SMCO2: variants seen among roughly 807,000 people sequenced by gnomAD.
SMCO2 encodes single-pass membrane and coiled-coil domain-containing protein 2.
A neutral mutation model predicts 29.5 loss-of-function variants in SMCO2; 25 were observed. The observed-to-expected ratio is 0.85, with a 90% CI of 0.62 to 1.18. The LOEUF is 1.18. Among genes scored for constraint, SMCO2 ranks in the 50% most tolerant of loss-of-function variants. SMCO2 has a pLI of 0.00. For missense variants in SMCO2, 348 were observed against 344.5 expected (o/e 1.01, Z -0.08); for synonymous variants, 117 against 123.3 (o/e 0.95, Z 0.34).
chr12:27,446,311 AAGCTCTCTGGTGCCTCTTC>A, the SMCO2 span, among the ~76,000 whole-genome samples: 1 of 152,190 alleles, frequency 6.6e-6, no homozygotes, highest in South Asian at 2.1e-4. Flanking sequence ...GGGAGAGAGA[AAGCTCTCTGGTGCCTCTTC>A]TTATAAGGGC....
the SMCO2 span, among the ~76,000 whole-genome samples, chr12:27,434,204 A>G: frequency 1.3e-5 from 2 of 152,218 alleles, no homozygotes; most frequent in Admixed American, 6.5e-5. Context: ...TGATAACATT[A>G]GTGTCACCTG....
intron 4 of SMCO2, among the ~76,000 whole-genome samples, chr12:27,476,516 A>G (rs1424628573): frequency 6.6e-6 from 1 of 151,992 alleles, no homozygotes; most frequent in Non-Finnish European, 1.5e-5. Context: ...ATCTAGTAAT[A>G]TTTGCTTTAT....
chr12:27,437,996 G>C, the SMCO2 span, among the ~76,000 whole-genome samples: 1 of 152,050 alleles, frequency 6.6e-6, no homozygotes, highest in East Asian at 1.9e-4. Flanking sequence ...CTTCACAGTT[G>C]GGTTTTTATA....
At chr12:27,476,589 T>C (rs1949588368) in intron 4 of SMCO2, among the ~76,000 whole-genome samples, 1 of 152,200 alleles carries the variant, frequency 6.6e-6, no homozygotes, top group Admixed American at 6.5e-5. Flanking sequence ...TCTTGTTAAA[T>C]TGATCCTTTT....
chr12:27,459,425 T>C, the SMCO2 span, among the ~76,000 whole-genome samples: 1 of 151,924 alleles, frequency 6.6e-6, no homozygotes, highest in Non-Finnish European at 1.5e-5. Context: ...AAACATCAAG[T>C]ACATATGGGT....
At chr12:27,428,818 C>CTTTT in the SMCO2 span, among the ~76,000 whole-genome samples, 41,872 of 129,686 alleles carry the variant, frequency 0.32, 7,674 homozygotes, top group Middle Eastern at 0.44. Context: ...AATAAATGTA[C>CTTTT]TTTTTTTTTT....
At chr12:27,433,506 T>TACACACACACAC in the SMCO2 span, among the ~76,000 whole-genome samples, 6 of 147,976 alleles carry the variant, frequency 4.1e-5, no homozygotes, top group African/African-American at 9.9e-5. Flanking sequence ...CAGATGTGTA[T>TACACACACACAC]ACACACACAC....
the SMCO2 span, among the ~76,000 whole-genome samples, chr12:27,440,521 A>T: frequency 3.3e-5 from 5 of 152,208 alleles, no homozygotes; most frequent in African/African-American, 4.8e-5. Flanking sequence ...TAAAAGATAA[A>T]TCTAACAAAA....
chr12:27,479,479 AGATAGCACCAATAGGATATATCCATATC>A (rs1267692298), intron 4 of SMCO2, among the ~76,000 whole-genome samples: 1 of 152,212 alleles, frequency 6.6e-6, no homozygotes, highest in Non-Finnish European at 1.5e-5. Flanking sequence ...TTCTCTAAAG[AGATAGCACCAATAGGATATATCCATATC>A]GATAGCTGCA....
At chr12:27,489,200 C>T (rs1483683599) in intron 5 of SMCO2, among the ~76,000 whole-genome samples, 1 of 152,096 alleles carries the variant, frequency 6.6e-6, no homozygotes, top group Non-Finnish European at 1.5e-5. Context: ...GGGTGTGTGC[C>T]ACCATGTCTG....
chr12:27,498,564 C>T (rs896460875), intron 7 of SMCO2: 6 of 232,792 alleles, frequency 2.6e-5, no homozygotes, highest in African/African-American at 7.2e-5. Flanking sequence ...TTCAATATCC[C>T]GGGAATAAAA....
At chr12:27,502,158 A>C in exon 8 of SMCO2, 160 of 1,418,028 alleles carry the variant, frequency 1.1e-4, no homozygotes, top group Non-Finnish European at 1.4e-4. Flanking sequence ...TGACTTTCTC[A>C]CCAGTAAACA....
At chr12:27,433,504 T>TAC in the SMCO2 span, among the ~76,000 whole-genome samples, 1 of 83,820 alleles carries the variant, frequency 1.2e-5, no homozygotes, top group Non-Finnish European at 2.4e-5. Context: ...TGCAGATGTG[T>TAC]ATACACACAC....
chr12:27,494,565 G>C (rs952137809), intron 6 of SMCO2, among the ~76,000 whole-genome samples: 16 of 150,240 alleles, frequency 1.1e-4, no homozygotes, highest in Admixed American at 2.0e-4. Context: ...ATGCAGGTTT[G>C]TTACATAGGT....
Position 27,497,410 on chromosome 12 carries a change from G to A in SMCO2, c.683+1555G>A, listed in dbSNP as rs1943019662. 1.4e-5 allele frequency: 3 copies of A among 220,830 alleles called. 1 individual carries two copies. In the South Asian group the frequency reaches 2.5e-4, roughly 18 times the overall value. The allele number at this position is 220,830 out of a possible 1,614,324, so 13.7% of individuals were successfully genotyped here. A position where few individuals can be genotyped will look rare whatever the true frequency, so the allele number is the denominator to read the frequency against. ...AAGTGGATGATGGCAGAAAGTTTGT[G>A]TTGGTCCCAGGATGTTCCATACCAT... is the stretch of plus-strand genomic sequence containing the variant. On this transcript the variant is annotated intron_variant, in intron 7 of 7. Transcript: ENST00000298876.
At chr12:27,496,411 A>G (rs997339932) in intron 7 of SMCO2, among the ~76,000 whole-genome samples, 1 of 150,680 alleles carries the variant, frequency 6.6e-6, no homozygotes, top group African/African-American at 2.5e-5. Flanking sequence ...AAATCTATCT[A>G]TATCTATCTA....
intron 4 of SMCO2, among the ~76,000 whole-genome samples, chr12:27,483,836 G>A (rs1949665440): frequency 6.6e-6 from 1 of 152,098 alleles, no homozygotes; most frequent in African/African-American, 2.4e-5. Context: ...GTACTTCTAT[G>A]TCTGTTCTCC....
chr12:27,426,909 G>A, the SMCO2 span, among the ~76,000 whole-genome samples: 1 of 152,282 alleles, frequency 6.6e-6, no homozygotes, highest in South Asian at 2.1e-4. Context: ...TTAAAAGAAA[G>A]TTGAAATGGT....
At chr12:27,494,438 A>G in intron 6 of SMCO2, 82 bp downstream of exon 7, 1 of 781,048 alleles carries the variant, frequency 1.3e-6, no homozygotes, top group Non-Finnish European at 1.9e-6. Context: ...ATTGCCTAGA[A>G]TATGACGGTG....
Sources: gnomAD v4.1 joint callset for allele counts (sites outside exome capture counted in the v4.1 genomes callset) on GRCh38, gnomAD v4.1.1 for gene constraint, MANE v1.5 for transcripts, NCBI Gene and HGNC (gene_info 2026-07-23, HGNC 2026-07-21) for gene names.